Variants in MTA1 observed in about 807,000 individuals in gnomAD.
MTA1 encodes metastasis-associated protein MTA1.
MTA1 carries 15 observed loss-of-function variants against 97.0 expected under a neutral mutation model. That is an observed-to-expected ratio of 0.15 (90% CI 0.10 to 0.24). The LOEUF is 0.24. Ranked by LOEUF, MTA1 falls within the 10% of genes least tolerant of loss-of-function variation. The pLI is 1.00. For missense variants in MTA1, 709 were observed against 1,015.1 expected, an observed-to-expected ratio of 0.70 and a Z score of 4.10; for synonymous variants, 435 against 417.5, an observed-to-expected ratio of 1.04 and a Z score of -0.51.
chr14:105,440,278 G>GT (rs1411437831), intron 2 of MTA1, among the ~76,000 whole-genome samples: 1 of 152,276 alleles, frequency 6.6e-6, no homozygotes, highest in Admixed American at 6.5e-5. Flanking sequence ...CATGTGGACT[G>GT]TAGGGAAACA....
chr14:105,421,567 A>G (rs1349894040), intron 1 of MTA1, among the ~76,000 whole-genome samples: 1 of 152,112 alleles, frequency 6.6e-6, no homozygotes, highest in Non-Finnish European at 1.5e-5. Context: ...CCCCGACCCC[A>G]ACTCATGCCT....
At chr14:105,421,568 A>T (rs782581380) in intron 1 of MTA1, among the ~76,000 whole-genome samples, 1 of 151,878 alleles carries the variant, frequency 6.6e-6, no homozygotes, top group East Asian at 1.9e-4. Context: ...CCCGACCCCA[A>T]CTCATGCCTT....
At chr14:105,464,168 G>A in intron 13 of MTA1, 21 bp downstream of exon 13, 1 of 1,597,784 alleles carries the variant, frequency 6.3e-7, no homozygotes, top group Non-Finnish European at 8.5e-7. Context: ...TGGATGGCCG[G>A]GGGCACACCG....
rs782383086 is a variant in MTA1 at position 105,458,220 on chromosome 14, C to T, written c.551-50C>T. 3.8e-5 allele frequency: 58 copies of T among 1,533,748 alleles called. No homozygotes were observed. The Middle Eastern group carries it at 5.1e-4, about 14-fold the overall frequency. On this transcript the variant is annotated intron_variant, in intron 7 of 20. Coordinates refer to ENST00000331320, the MANE Select transcript of MTA1 (RefSeq NM_004689.4). ...GCACCCGGGGAGGAGAGGCGCGGCC[C>T]GGCGCGCCGTGGGACCCCGTCTCAG...
intron 1 of MTA1, among the ~76,000 whole-genome samples, chr14:105,436,285 C>T (rs1035342473): frequency 6.6e-6 from 1 of 152,124 alleles, no homozygotes; most frequent in Non-Finnish European, 1.5e-5. Flanking sequence ...AACAAGCAAA[C>T]ACTCAGCTTT....
intron 7 of MTA1, among the ~76,000 whole-genome samples, chr14:105,456,214 G>C (rs1188200928): frequency 6.6e-6 from 1 of 152,264 alleles, no homozygotes; most frequent in African/African-American, 2.4e-5. Context: ...CAGAGTCCGT[G>C]GCTGGGAGAC....
intron 14 of MTA1, 35 bp downstream of exon 14, chr14:105,464,602 G>A (rs1025722414): frequency 6.2e-7 from 1 of 1,611,114 alleles, no homozygotes; most frequent in African/African-American, 1.3e-5. Context: ...CCTGCCATGA[G>A]CCTGTCGGCC....
chr14:105,460,424 G>T lies in MTA1; in HGVS notation c.720G>T (p.Met240Ile), dbSNP rs781867642. The change falls in exon 9 of 21, where the codon ATG (methionine) becomes ATT (isoleucine). Residue 240 changes from methionine (M) to isoleucine (I), a missense_variant. Coordinates refer to ENST00000331320, the MANE Select transcript of MTA1 (RefSeq NM_004689.4). ...SSSVRQPSLH[M>I]SAAAASRDIT... ...CCGTCCGACAGCCCAGCCTGCACAT[G>T]AGCGCCGCAGCTGCCTCCCGAGACA... The T allele has an allele frequency of 6.2e-7, 1 of 1,611,504 alleles. No homozygotes were observed. The highest frequency in any genetic ancestry group is 8.5e-7 in the Non-Finnish European group (1 of 1,179,358).
At chr14:105,435,671 C>T (rs2082305362) in intron 1 of MTA1, among the ~76,000 whole-genome samples, 2 of 152,170 alleles carry the variant, frequency 1.3e-5, no homozygotes, top group African/African-American at 4.8e-5. Context: ...GTTTGATAGA[C>T]TTCACCAATG....
chr14:105,458,212 G>A (rs1829965078), intron 7 of MTA1, 58 bp from the exon 8 acceptor site: 3 of 1,476,608 alleles, frequency 2.0e-6, no homozygotes, highest in Middle Eastern at 1.8e-4. Flanking sequence ...GGGAGGAGAG[G>A]CGCGGCCCGG....
At position 105,445,445 on chromosome 14, in the gene MTA1, G is replaced by A. The variant is rs2082684702; in HGVS notation, c.124G>A (p.Val42Met). ...GGCCAATGGGAACGTGGAGGCCAAA[G>A]TGGTGTGCTTCTACCGGAGGCGGGA... ...KTANGNVEAK[V>M]VCFYRRRDIS... Residue 42 changes from valine (V) to methionine (M), a missense_variant, in exon 3 of 21, where the codon GTG (valine) becomes ATG (methionine). By Grantham distance (21) the Val-to-Met change is conservative (BLOSUM62 1). Transcript: ENST00000331320. The A allele has an allele frequency of 1.9e-6, 3 of 1,613,832 alleles. No homozygotes were observed. The highest frequency in any genetic ancestry group is 2.5e-6 in the Non-Finnish European group (3 of 1,179,992).
chr14:105,441,741 C>T (rs978442835), intron 2 of MTA1, among the ~76,000 whole-genome samples: 3 of 152,116 alleles, frequency 2.0e-5, no homozygotes, highest in East Asian at 1.9e-4. Flanking sequence ...TTGCAGTGAG[C>T]CGAGATCCCG....
chr14:105,466,974 G>T (rs1159214160), intron 18 of MTA1: 49 of 581,738 alleles, frequency 8.4e-5, no homozygotes, highest in Non-Finnish European at 7.3e-5. Context: ...TCCTGTCAGT[G>T]GACTGTCCTG....
rs192790749 is a variant in MTA1, at chr14:105,464,573, G to C, written c.1344+6G>C. ...GACCAAACCGCAGTAACATGGTAAG[G>C]GGGGGGACACCCGCCCTGCCTGCCA... On this transcript the variant is annotated splice_donor_region_variant and intron_variant, in intron 14 of 20. Coordinates refer to ENST00000331320, the MANE Select transcript of MTA1 (RefSeq NM_004689.4). The C allele has an allele frequency of 1.0e-3, 1,662 of 1,612,610 alleles. 14 individuals are homozygous for C. In the African/African-American group the frequency reaches 0.018, roughly 18 times the overall value.
rs143633173 is a variant in MTA1 at position 105,468,121 on chromosome 14, C to T, written c.1814-1346C>T. The T allele has an allele frequency of 2.0e-3, 759 of 373,080 alleles. 4 individuals carry two copies. Among genetic ancestry groups the T allele is most frequent in the African/African-American group, 0.014 (644 of 47,476 alleles). The allele number at this position is 373,080 out of a possible 1,614,324, so 23.1% of individuals were successfully genotyped here. Reference sequence around the variant, plus strand: ...AAGACGGCTCCCGGGGGCACTGGCGCACACGAGGTGGGGTCTCTGTCCAGC... The same window carrying T: ...AAGACGGCTCCCGGGGGCACTGGCGTACACGAGGTGGGGTCTCTGTCCAGC... On this transcript the variant is annotated intron_variant, in intron 18 of 20. Coordinates refer to ENST00000331320, the MANE Select transcript of MTA1 (RefSeq NM_004689.4).
At position 105,465,901 on chromosome 14, in the gene MTA1, GC is replaced by G. The variant is rs782797965; in HGVS notation, c.1625-524del. ...CATTCCAGAGTCATGAGCCAAGTGT[GC>G]TCTGAGATTCAAGTGGCTTTGGCAT... On this transcript the variant is annotated intron_variant, in intron 16 of 20. Coordinates refer to ENST00000331320, the MANE Select transcript of MTA1 (RefSeq NM_004689.4). 37 of 167,284 alleles carry G rather than the reference GC, an allele frequency of 2.2e-4. No homozygotes were observed. The East Asian group carries it at 4.1e-3, about 19-fold the overall frequency. 10.4% of individuals were successfully genotyped at this position (167,284 alleles called of 1,614,324 possible). A position where few individuals can be genotyped will look rare whatever the true frequency, so the allele number is the denominator to read the frequency against.
chr14:105,425,830 G>A (rs1435755977), intron 1 of MTA1, among the ~76,000 whole-genome samples: 3 of 83,776 alleles, frequency 3.6e-5, no homozygotes, highest in Non-Finnish European at 5.2e-5. Context: ...TACCCCACCC[G>A]CCCCACCAAT....
chr14:105,467,075 G>A (rs1301699454), intron 18 of MTA1: 19 of 479,294 alleles, frequency 4.0e-5, no homozygotes, highest in East Asian at 1.2e-4. Flanking sequence ...GGGGCCGCCC[G>A]TGCTGTGCCT....
At position 105,422,914 on chromosome 14, in the gene MTA1, G is replaced by A. The variant is rs1245858739; in HGVS notation, c.28+2851G>A. On this transcript the variant is annotated intron_variant, in intron 1 of 20. Transcript: ENST00000331320. The surrounding 1 kb of genome is among the most constrained non-coding windows in gnomAD (Gnocchi z 4.3). ...GGCCTGGGCAAGGGTGGCGGGGTCA[G>A]GGTTCCCTGACCTCTGCTTCTCAAG... Among the ~76,000 whole-genome samples the A allele has an allele frequency of 2.6e-5, 4 of 152,204 alleles. No homozygotes were observed. The highest frequency in any genetic ancestry group is 2.1e-4 in the South Asian group (1 of 4,832).
Sources: gnomAD v4.1 joint callset for allele counts (sites outside exome capture counted in the v4.1 genomes callset) on GRCh38, gnomAD v4.1.1 for gene constraint, Gnocchi (gnomAD v3.1) non-coding constraint, MANE v1.5 for transcripts, NCBI Gene and HGNC (gene_info 2026-07-23, HGNC 2026-07-21) for gene names.